Variants in PKIB observed in about 807,000 individuals in gnomAD.
PKIB encodes the protein cAMP-dependent protein kinase inhibitor beta.
PKIB carries 2 observed loss-of-function variants against 4.5 expected under a neutral mutation model. That is an observed-to-expected ratio of 0.44 (90% confidence interval 0.18 to 1.39). The LOEUF is 1.39. PKIB is among the 40% of genes most tolerant of loss of function. PKIB has a pLI of 0.27. For missense variants in PKIB, 94 were observed against 92.6 expected (o/e 1.02, Z -0.06); for synonymous variants, 38 against 36.0 (o/e 1.06, Z -0.20).
At chr6:122,513,447 CAT>C (rs1554216566) in intron 2 of PKIB, among the ~76,000 whole-genome samples, 1 of 152,076 alleles carries the variant, frequency 6.6e-6, no homozygotes, top group Non-Finnish European at 1.5e-5. Context: ...AAAATATTTA[CAT>C]ATATATATTT....
chr6:122,508,107 T>A (rs1776469747), intron 2 of PKIB, among the ~76,000 whole-genome samples: 1 of 152,226 alleles, frequency 6.6e-6, no homozygotes, highest in African/African-American at 2.4e-5. Flanking sequence ...TAAAAATGTT[T>A]GGAAAGATCT....
chr6:122,476,292 G>A (rs1378802986), intron 1 of PKIB, among the ~76,000 whole-genome samples: 1 of 152,070 alleles, frequency 6.6e-6, no homozygotes, highest in Admixed American at 6.6e-5. Context: ...TATTCTGAAA[G>A]GATAAGCCAA....
chr6:122,601,686 A>G (rs1000730174), intron 3 of PKIB, among the ~76,000 whole-genome samples: 9 of 152,178 alleles, frequency 5.9e-5, no homozygotes, highest in African/African-American at 1.9e-4. Flanking sequence ...CACTTAATAT[A>G]TAGTATATAT....
chr6:122,502,077 C>T (rs770800371), intron 2 of PKIB, among the ~76,000 whole-genome samples: 2 of 151,790 alleles, frequency 1.3e-5, no homozygotes, highest in African/African-American at 2.4e-5. Context: ...CTCAGCCTCC[C>T]AAGTAGCTGG....
At chr6:122,591,223 C>G (rs1250354330) in intron 3 of PKIB, among the ~76,000 whole-genome samples, 6 of 151,134 alleles carry the variant, frequency 4.0e-5, no homozygotes, top group Non-Finnish European at 8.9e-5. Flanking sequence ...CACACACCCC[C>G]CACATACACA....
intron 2 of PKIB, among the ~76,000 whole-genome samples, chr6:122,511,964 C>G (rs1049248706): frequency 6.6e-6 from 1 of 152,136 alleles, no homozygotes. Context: ...GGATCTCACT[C>G]TGAGCATGGG....
intron 2 of PKIB, among the ~76,000 whole-genome samples, chr6:122,655,788 G>A (rs1490252115): frequency 6.6e-6 from 1 of 152,032 alleles, no homozygotes; most frequent in Non-Finnish European, 1.5e-5. Context: ...AAATTGGATA[G>A]CCTTTATAAG....
At chr6:122,557,830 T>G (rs896251380) in intron 2 of PKIB, among the ~76,000 whole-genome samples, 1 of 152,180 alleles carries the variant, frequency 6.6e-6, no homozygotes, top group Non-Finnish European at 1.5e-5. Context: ...CCTTATTTGA[T>G]CTTCCTACTC....
intron 2 of PKIB, among the ~76,000 whole-genome samples, chr6:122,539,103 G>A (rs1777503531): frequency 6.6e-6 from 1 of 152,050 alleles, no homozygotes. Flanking sequence ...GGGTTTTCTA[G>A]ATATACAATC....
In PKIB at chr6:122,562,617, G is replaced by A. The variant is rs114175004; in HGVS notation, c.-247-23304G>A. The stretch of plus-strand genomic sequence containing the variant: ...TTATCCTTAAGTTTGGTCATTTAAC[G>A]TAATCCCAGACTTCTTGGAGACTTT... On this transcript the variant is annotated intron_variant, in intron 2 of 6. Transcript: ENST00000392491. Among the ~76,000 whole-genome samples, 437 of 152,172 alleles carry A rather than the reference G, an allele frequency of 2.9e-3. 4 individuals are homozygous for A. Among genetic ancestry groups the A allele is most frequent in the African/African-American group, 9.8e-3 (408 of 41,530 alleles).
intron 2 of PKIB, among the ~76,000 whole-genome samples, chr6:122,633,839 C>A (rs978345411): frequency 6.6e-6 from 1 of 152,122 alleles, no homozygotes; most frequent in Admixed American, 6.5e-5. Flanking sequence ...ATTAAATATT[C>A]TTGATGACAC....
rs137945719 is a variant in PKIB, at chr6:122,542,480, G to A, written c.-247-43441G>A. On this transcript the variant is annotated intron_variant, in intron 2 of 6. Transcript: ENST00000392491. ...CTCTGTTTGCCTGGGTATCAGCAGCGGTGGCTGCAGAACAGCGGTGGCTAT... is the reference window on the plus strand; with the variant it reads ...CTCTGTTTGCCTGGGTATCAGCAGCAGTGGCTGCAGAACAGCGGTGGCTAT... Among the ~76,000 whole-genome samples the A allele has an allele frequency of 2.3e-3, 357 of 152,202 alleles. 8 individuals carry two copies. The East Asian group carries it at 0.044, about 19-fold the overall frequency.
At chr6:122,679,259 C>T (rs1191048336) in intron 3 of PKIB, among the ~76,000 whole-genome samples, 1 of 152,088 alleles carries the variant, frequency 6.6e-6, no homozygotes, top group Non-Finnish European at 1.5e-5. Flanking sequence ...AGTTATAAGT[C>T]CTGAATGGAG....
intron 2 of PKIB, among the ~76,000 whole-genome samples, chr6:122,487,327 T>C (rs1396833765): frequency 6.6e-6 from 1 of 152,146 alleles, no homozygotes; most frequent in African/African-American, 2.4e-5. Context: ...AATTGTATCA[T>C]ACCTCTTATG....
chr6:122,569,383 G>A (rs1026248569), intron 2 of PKIB, among the ~76,000 whole-genome samples: 1 of 152,148 alleles, frequency 6.6e-6, no homozygotes, highest in Non-Finnish European at 1.5e-5. Context: ...GCACCTCTAG[G>A]TAGAATAATA....
At chr6:122,588,252 T>G (rs919764146) in intron 3 of PKIB, among the ~76,000 whole-genome samples, 2 of 152,138 alleles carry the variant, frequency 1.3e-5, no homozygotes, top group African/African-American at 4.8e-5. Context: ...GGCTAGCCAG[T>G]TTTCCCAGCA....
chr6:122,490,401 T>C (rs1399077500), intron 2 of PKIB, among the ~76,000 whole-genome samples: 4 of 152,150 alleles, frequency 2.6e-5, no homozygotes, highest in African/African-American at 7.2e-5. Flanking sequence ...AGTAGTATTA[T>C]GGTTTGGATG....
intron 2 of PKIB, among the ~76,000 whole-genome samples, chr6:122,502,416 C>A (rs1244861663): frequency 1.3e-5 from 2 of 151,760 alleles, no homozygotes; most frequent in African/African-American, 4.8e-5. Context: ...CACAGTTCTG[C>A]AGGCTGTACA....
chr6:122,558,682 T>C (rs567356734), intron 2 of PKIB, among the ~76,000 whole-genome samples: 42 of 152,030 alleles, frequency 2.8e-4, no homozygotes, highest in Non-Finnish European at 5.6e-4. Context: ...TAAAACTCCT[T>C]CATACACAAG....
Sources: allele counts gnomAD v4.1 joint callset (sites outside exome capture counted in the v4.1 genomes callset), GRCh38; gene constraint gnomAD v4.1.1; transcripts MANE v1.5; gene names NCBI Gene and HGNC (gene_info 2026-07-23, HGNC 2026-07-21).